PRPF31: variants seen among roughly 807,000 people sequenced by gnomAD.
PRPF31 encodes the protein pre-mRNA processing factor 31.
Under a neutral mutation model 60.4 loss-of-function variants are expected in PRPF31, and 12 were observed. The ratio of observed to expected loss-of-function variants is 0.20; its 90% confidence interval spans 0.13 to 0.32. PRPF31 has a LOEUF of 0.32. Among genes scored for constraint, PRPF31 ranks in the 10% least tolerant of loss-of-function variants. PRPF31 has a pLI of 1.00. For missense variants in PRPF31, 431 were observed against 687.1 expected (o/e 0.63, Z 4.17); for synonymous variants, 287 against 287.9 (o/e 1.00, Z 0.03).
chr19:54,122,820 C>G (rs2073826117), intron 5 of PRPF31: 2 of 619,340 alleles, frequency 3.2e-6, no homozygotes, highest in Admixed American at 5.1e-5. Context: ...CTGGCCTGAC[C>G]CACGCTGCTC....
intron 1 of PRPF31, among the ~76,000 whole-genome samples, chr19:54,117,028 G>A (rs2073661269): frequency 6.6e-6 from 1 of 152,230 alleles, no homozygotes; most frequent in African/African-American, 2.4e-5. Flanking sequence ...CCAGGTGATC[G>A]AGGCTGCCGT....
rs779212742 is a variant in PRPF31, at chr19:54,131,403, G to A, written c.1471G>A (p.Gly491Ser). 6.2e-7 allele frequency: 1 copy of A among 1,614,000 alleles called. No individual in the cohort carries two copies. The highest frequency in any genetic ancestry group is 8.5e-7 in the Non-Finnish European group (1 of 1,180,038). The change falls in exon 14 of 14, where the codon GGC becomes AGC. Residue 491 changes from glycine to serine, a missense_variant. Gly to Ser is a moderately conservative substitution (Grantham distance 56). This residue lies in a region of PRPF31 where 314 missense variants were observed against 475.3 expected (regional missense o/e 0.66). Transcript: ENST00000321030. ...SSMAEFLKVK[G>S]EKSGLMST ...CATGGCTGAGTTCCTCAAGGTCAAG[G>A]GCGAGAAGAGTGGCCTTATGTCCAC...
intron 13 of PRPF31, 53 bp downstream of exon 13, chr19:54,129,423 C>A: frequency 6.5e-7 from 1 of 1,539,320 alleles, no homozygotes; most frequent in Non-Finnish European, 8.8e-7. Flanking sequence ...GGCAAGGCCC[C>A]TTGCCCTCTG....
At chr19:54,125,869 G>A (rs929614212) in intron 8 of PRPF31, among the ~76,000 whole-genome samples, 11 of 152,168 alleles carry the variant, frequency 7.2e-5, no homozygotes, top group African/African-American at 2.7e-4. Flanking sequence ...CCCTGCCATC[G>A]CCACCGCCTC....
rs1260114197 is a variant in PRPF31 at position 54,124,341 on chromosome 19, A to G, written c.698-158A>G. ...CTCCTTTGCATCTGCCCCTTGCGGA[A>G]TGGGCCAGGTCGCCCGCCTGGCAGG... On this transcript the variant is annotated intron_variant, in intron 7 of 13. Coordinates refer to ENST00000321030, the MANE Select transcript of PRPF31 (RefSeq NM_015629.4). 5.2e-6 allele frequency: 4 copies of G among 769,796 alleles called. No homozygotes were observed. In the Admixed American group the frequency reaches 7.6e-5, roughly 15 times the overall value. The allele number at this position is 769,796 out of a possible 1,614,324, so 47.7% of individuals were successfully genotyped here.
At chr19:54,129,509 C>T (rs1295440754) in intron 13 of PRPF31, 139 bp downstream of exon 13, 13 of 1,079,090 alleles carry the variant, frequency 1.2e-5, no homozygotes, top group Admixed American at 2.1e-5. Flanking sequence ...ATGCAGAGGA[C>T]GTAGACAGCT....
chr19:54,131,277 C>A, intron 13 of PRPF31, 30 bp from the exon 14 acceptor site: 1 of 1,613,322 alleles, frequency 6.2e-7, no homozygotes, highest in Non-Finnish European at 8.5e-7. Flanking sequence ...CCTCACCTAA[C>A]CCATCATCCT....
rs1346515891 is a variant in PRPF31 at position 54,123,831 on chromosome 19, A to G, written c.610A>G (p.Ile204Val). 2 of 1,613,862 alleles carry G rather than the reference A, an allele frequency of 1.2e-6. No individual in the cohort carries two copies. The highest frequency in any genetic ancestry group is 1.7e-6 in the Non-Finnish European group (2 of 1,180,010). The change falls in exon 7 of 14, where the codon ATC becomes GTC. Residue 204 changes from isoleucine (I) to valine (V), a missense_variant. Around this residue, in one of 4 missense-constraint regions of PRPF31, gnomAD observed 314 missense variants for 475.3 expected, o/e 0.66. Coordinates refer to ENST00000321030, the MANE Select transcript of PRPF31 (RefSeq NM_015629.4). Reference protein sequence around the residue: ...ALELNASKHRIYEYVESRMSF... With the variant: ...ALELNASKHRVYEYVESRMSF... ...GGAGCTGAACGCCTCCAAGCACCGC[A>G]TCTACGAGTATGTGGAGTCCCGGAT...
At position 54,130,701 on chromosome 19, in the gene PRPF31, C is replaced by T. The variant is rs113539859; in HGVS notation, c.1375-606C>T. On this transcript the variant is annotated intron_variant, in intron 13 of 13. Coordinates refer to ENST00000321030, the MANE Select transcript of PRPF31 (RefSeq NM_015629.4). ...TAGGAGGTGGGACAGGGGAGGCTCT[C>T]GTTTCGGAGCAGCCAGGGAGGGCCT... Among the ~76,000 whole-genome samples the T allele has an allele frequency of 7.2e-5, 11 of 151,904 alleles. No individual in the cohort carries two copies. In the South Asian group the frequency reaches 1.7e-3, roughly 23 times the overall value.
At chr19:54,129,488 GGTGAC>G in intron 13 of PRPF31, 118 bp downstream of exon 13, 1 of 1,277,242 alleles carries the variant, frequency 7.8e-7, no homozygotes, top group Non-Finnish European at 1.1e-6. Flanking sequence ...TGGAGGGTGT[GGTGAC>G]GAGGTATGCA....
chr19:54,130,240 G>A (rs956808830), intron 13 of PRPF31, among the ~76,000 whole-genome samples: 13 of 133,232 alleles, frequency 9.8e-5, no homozygotes, highest in East Asian at 2.5e-4. Flanking sequence ...CAGGCTGGGC[G>A]CAGACAGCTC....
intron 10 of PRPF31, 50 bp downstream of exon 10, chr19:54,128,250 G>C (rs1173270073): frequency 6.4e-7 from 1 of 1,559,864 alleles, no homozygotes. Context: ...GAGGGGAGAA[G>C]CCGGCGTCCT....
rs1433281443 is a variant in PRPF31, at chr19:54,123,846, G to A, written c.625G>A (p.Glu209Lys). 1.2e-6 allele frequency: 2 copies of A among 1,613,928 alleles called. No individual in the cohort carries two copies. Among genetic ancestry groups the A allele is most frequent in the Non-Finnish European group, 1.7e-6 (2 of 1,180,006 alleles). Residue 209 changes from glutamate (E) to lysine (K), a missense_variant, in exon 7 of 14, where the codon GAG (glutamate) becomes AAG (lysine). By Grantham distance (56) the Glu-to-Lys change is moderately conservative. Transcript: ENST00000321030. ...ASKHRIYEYV[E>K]SRMSFIAPNL... Reference sequence around the variant, plus strand: ...CAAGCACCGCATCTACGAGTATGTGGAGTCCCGGATGTCCTTCATCGCACC... The same window carrying A: ...CAAGCACCGCATCTACGAGTATGTGAAGTCCCGGATGTCCTTCATCGCACC...
At position 54,129,080 on chromosome 19, in the gene PRPF31, G is replaced by C; in HGVS notation, c.1170G>C (p.Glu390Asp). The change falls in exon 12 of 14, where the codon GAG (glutamate) becomes GAC (aspartate). Residue 390 changes from glutamate to aspartate, a missense_variant. Physicochemically the swap from Glu to Asp is conservative, Grantham distance 45. This residue lies in a region of PRPF31 where 314 missense variants were observed against 475.3 expected (regional missense o/e 0.66). Coordinates refer to ENST00000321030, the MANE Select transcript of PRPF31 (RefSeq NM_015629.4). ...AGATCGAGGAGGACGCCTACCAGGA[G>C]GACCTGGGATTCAGCCTGGGCCACC... ...FGEIEEDAYQ[E>D]DLGFSLGHLG... 1.3e-6 allele frequency: 2 copies of C among 1,578,132 alleles called. No individual in the cohort carries two copies. The highest frequency in any genetic ancestry group is 1.7e-6 in the Non-Finnish European group (2 of 1,163,064).
At chr19:54,121,522 C>T (rs1432541822) in intron 3 of PRPF31, among the ~76,000 whole-genome samples, 3 of 152,116 alleles carry the variant, frequency 2.0e-5, no homozygotes, top group African/African-American at 7.2e-5. Context: ...CCAACGCAGG[C>T]ACAGCACTGG....
chr19:54,123,860 C>T lies in PRPF31; in HGVS notation c.639C>T (p.Ser213=), dbSNP rs1276572328. The change falls in exon 7 of 14, where the codon TCC becomes TCT. Residue 213 remains serine (S), a synonymous_variant. Transcript: ENST00000321030. ...ACGAGTATGTGGAGTCCCGGATGTC[C>T]TTCATCGCACCCAACCTGTCCATCA... ...RIYEYVESRM[S]FIAPNLSIII... 1.9e-6 allele frequency: 3 copies of T among 1,614,038 alleles called. No homozygotes were observed. The South Asian group carries it at 3.3e-5, about 18-fold the overall frequency.
At chr19:54,126,962 C>T (rs587730776) in intron 9 of PRPF31, among the ~76,000 whole-genome samples, 3 of 152,298 alleles carry the variant, frequency 2.0e-5, no homozygotes, top group Admixed American at 6.5e-5. Context: ...AACCCCATCT[C>T]TACCAAAATT....
intron 3 of PRPF31, among the ~76,000 whole-genome samples, chr19:54,121,549 G>T (rs1185896554): frequency 6.6e-6 from 1 of 152,160 alleles, no homozygotes; most frequent in Non-Finnish European, 1.5e-5. Flanking sequence ...CAGAGCTTCC[G>T]GAGTTGGGGA....
At position 54,126,606 on chromosome 19, in the gene PRPF31, A is replaced by C; in HGVS notation, c.934A>C (p.Thr312Pro). The C allele has an allele frequency of 6.2e-7, 1 of 1,613,638 alleles. No homozygotes were observed. The highest frequency in any genetic ancestry group is 8.5e-7 in the Non-Finnish European group (1 of 1,179,850). Residue 312 changes from threonine (T) to proline (P), a missense_variant, in exon 9 of 14, where the codon ACA (threonine) becomes CCA (proline). By Grantham distance (38) the Thr-to-Pro change is conservative (BLOSUM62 -1). Around this residue, in one of 4 missense-constraint regions of PRPF31, gnomAD observed 314 missense variants for 475.3 expected, o/e 0.66. Coordinates refer to ENST00000321030, the MANE Select transcript of PRPF31 (RefSeq NM_015629.4). ...CCGTGTGGACAGTTTCCACGAGAGC[A>C]CAGAAGGGAAGGTGAGGAGGGAAAG... Reference protein sequence around the residue: ...AARVDSFHESTEGKVGYELKD... With the variant: ...AARVDSFHESPEGKVGYELKD...
Sources: allele counts gnomAD v4.1 joint callset (sites outside exome capture counted in the v4.1 genomes callset), GRCh38; gene constraint gnomAD v4.1.1; regional missense constraint gnomAD v4.1.1; transcripts MANE v1.5; gene names NCBI Gene and HGNC (gene_info 2026-07-23, HGNC 2026-07-21).